The following VPS41 variants were observed in gnomAD, a reference collection of about 807,000 sequenced individuals.
VPS41 encodes the protein vacuolar protein sorting-associated protein 41 homolog.
Under a neutral mutation model 130.9 loss-of-function variants are expected in VPS41, and 85 were observed. That is an observed-to-expected ratio of 0.65 (90% confidence interval 0.55 to 0.78). The LOEUF is 0.78. Ranked by LOEUF, VPS41 falls within the 30% of genes least tolerant of loss-of-function variation. The pLI, the probability that VPS41 is intolerant of heterozygous loss-of-function variation, is 0.00. For missense variants in VPS41, 874 were observed against 1,018.7 expected (o/e 0.86, Z 1.93); for synonymous variants, 335 against 332.9 (o/e 1.01, Z -0.07).
chr7:38,725,637 C>A lies in VPS41; in HGVS notation c.*609G>T, dbSNP rs960837094. ...ATACTCTTTGACAGTCGTCACAGCA[C>A]ACAGAACATGTGATTAGTAAACATA... On this transcript the variant is annotated 3_prime_UTR_variant, in exon 29 of 29. Coordinates refer to ENST00000310301, the MANE Select transcript of VPS41 (RefSeq NM_014396.4). 1.1e-4 allele frequency: 16 copies of A among 152,334 alleles called. No individual in the cohort carries two copies. Among genetic ancestry groups the A allele is most frequent in the African/African-American group, 3.4e-4 (14 of 41,462 alleles). The allele number at this position is 152,334 out of a possible 1,614,324, so 9.4% of individuals were successfully genotyped here.
intron 3 of VPS41, among the ~76,000 whole-genome samples, chr7:38,866,738 TG>T (rs1786236855): frequency 2.0e-5 from 3 of 152,054 alleles, no homozygotes; most frequent in Non-Finnish European, 4.4e-5. Context: ...AGAAGAAATG[TG>T]GATAATGGAC....
chr7:38,786,810 A>T (rs1784446531), intron 10 of VPS41, among the ~76,000 whole-genome samples: 1 of 152,166 alleles, frequency 6.6e-6, no homozygotes, highest in Non-Finnish European at 1.5e-5. Context: ...AGATGAAACC[A>T]CATCACTCCT....
At chr7:38,829,751 C>T (rs974512282) in intron 5 of VPS41, among the ~76,000 whole-genome samples, 1 of 152,174 alleles carries the variant, frequency 6.6e-6, no homozygotes, top group Admixed American at 6.5e-5. Flanking sequence ...ATTGATTTTA[C>T]ATTTATTTAA....
chr7:38,823,110 G>T (rs1364049593), intron 5 of VPS41, among the ~76,000 whole-genome samples: 1 of 152,172 alleles, frequency 6.6e-6, no homozygotes, highest in Non-Finnish European at 1.5e-5. Flanking sequence ...AACCTCCAAG[G>T]TGATGGTATT....
rs917667174 is a variant in VPS41, at chr7:38,799,727, G to C, written c.451-2863C>G. On this transcript the variant is annotated intron_variant, in intron 7 of 28. Coordinates refer to ENST00000310301, the MANE Select transcript of VPS41 (RefSeq NM_014396.4). ...GCTAAAAATTCATTTTAAAAAATGA[G>C]AGAATAACAGGAATTTTTAAAAAAT... 1.3e-5 allele frequency among the ~76,000 whole-genome samples: 2 copies of C among 152,088 alleles called. 1 individual carries two copies. The highest frequency in any genetic ancestry group is 3.8e-4 in the East Asian group (2 of 5,202).
intron 3 of VPS41, among the ~76,000 whole-genome samples, chr7:38,866,671 A>C (rs1786235728): frequency 6.6e-6 from 1 of 152,236 alleles, no homozygotes; most frequent in South Asian, 2.1e-4. Flanking sequence ...AGTGAAGGTC[A>C]GTGTGCAGGT....
Position 38,723,220 on chromosome 7 carries a change from C to G in VPS41, c.*3026G>C, listed in dbSNP as rs1234765765. Reference sequence around the variant, plus strand: ...GAAGAAAATCCATGTATAAGTGGATCCTTGCAGTTCCAACCTGTGTTGTTC... The same window carrying G: ...GAAGAAAATCCATGTATAAGTGGATGCTTGCAGTTCCAACCTGTGTTGTTC... On this transcript the variant is annotated 3_prime_UTR_variant, in exon 29 of 29. Coordinates refer to ENST00000310301, the MANE Select transcript of VPS41 (RefSeq NM_014396.4). 5 of 152,244 alleles carry G rather than the reference C, an allele frequency of 3.3e-5. No homozygotes were observed. The East Asian group carries it at 9.7e-4, about 29-fold the overall frequency. The allele number at this position is 152,244 out of a possible 1,614,324, so 9.4% of individuals were successfully genotyped here.
intron 12 of VPS41, among the ~76,000 whole-genome samples, chr7:38,773,433 C>G (rs58040960): frequency 0.049 from 7,473 of 152,212 alleles, 624 homozygotes; most frequent in African/African-American, 0.17. Context: ...AATATTTCTT[C>G]ATTTCCTTTG....
Position 38,794,235 on chromosome 7 carries a change from G to A in VPS41, c.717+1230C>T, listed in dbSNP as rs192149342. ...TGAGTAACCACACACGTGGGACAGG[G>A]AGCCCAGGGAATCCCTTTTTCCATC... is the stretch of plus-strand genomic sequence containing the variant. On this transcript the variant is annotated intron_variant, in intron 9 of 28. Transcript: ENST00000310301. Among the ~76,000 whole-genome samples, 36 of 152,244 alleles carry A rather than the reference G, an allele frequency of 2.4e-4. 1 individual carries two copies. Among genetic ancestry groups the A allele is most frequent in the African/African-American group, 8.4e-4 (35 of 41,548 alleles).
chr7:38,858,083 GA>G (rs1786024436), intron 4 of VPS41, among the ~76,000 whole-genome samples: 1 of 152,196 alleles, frequency 6.6e-6, no homozygotes, highest in African/African-American at 2.4e-5. Context: ...GGCACCCTTA[GA>G]GGTAATATAC....
intron 1 of VPS41, among the ~76,000 whole-genome samples, chr7:38,901,544 T>C (rs1407275160): frequency 6.6e-6 from 1 of 152,004 alleles, no homozygotes. Flanking sequence ...AACAACCAGC[T>C]CTCTTGGGAA....
rs1784503702 is a variant in VPS41 at position 38,789,797 on chromosome 7, A to C, written c.784+4T>G. Reference sequence around the variant, plus strand: ...TCCACAGAAGGCAAGTGTTGGAGCCATACCTATTTCAACATATCGACTTGG... The same window carrying C: ...TCCACAGAAGGCAAGTGTTGGAGCCCTACCTATTTCAACATATCGACTTGG... On this transcript the variant is annotated splice_donor_region_variant and intron_variant, in intron 10 of 28. Transcript: ENST00000310301. The C allele has an allele frequency of 1.2e-6, 2 of 1,613,480 alleles. No individual in the cohort carries two copies. Among genetic ancestry groups the C allele is most frequent in the Non-Finnish European group, 1.7e-6 (2 of 1,179,606 alleles).
chr7:38,781,523 A>G (rs983099344), intron 10 of VPS41, among the ~76,000 whole-genome samples: 4 of 152,128 alleles, frequency 2.6e-5, no homozygotes, highest in Non-Finnish European at 5.9e-5. Flanking sequence ...ATTTTTCTTG[A>G]CATTGTCTAT....
chr7:38,737,366 G>A (rs960108493), intron 25 of VPS41, among the ~76,000 whole-genome samples: 5 of 151,876 alleles, frequency 3.3e-5, no homozygotes, highest in Non-Finnish European at 5.9e-5. Flanking sequence ...GCAAGACTCC[G>A]TCTCAAAAAA....
intron 4 of VPS41, among the ~76,000 whole-genome samples, chr7:38,851,914 ATAAAT>A (rs924910408): frequency 2.6e-5 from 4 of 152,342 alleles, no homozygotes; most frequent in African/African-American, 4.8e-5. Context: ...TTTCCTTGCT[ATAAAT>A]TAAACTTAAA....
intron 4 of VPS41, among the ~76,000 whole-genome samples, chr7:38,839,818 C>G (rs1447693556): frequency 6.6e-6 from 1 of 152,202 alleles, no homozygotes; most frequent in African/African-American, 2.4e-5. Context: ...TCCTCTCCAG[C>G]ACTAAACCCT....
rs142170927 is a variant in VPS41, at chr7:38,898,076, G to A, written c.60+15C>T. The stretch of plus-strand genomic sequence containing the variant: ...GTGAGCTACAAATCCGAGGGCTCCT[G>A]AGTCACCACCTTACCTCAGACTCAT... On this transcript the variant is annotated intron_variant, in intron 2 of 28. Transcript: ENST00000310301. 6,298 of 1,612,870 alleles carry A rather than the reference G, an allele frequency of 3.9e-3. 18 individuals carry two copies. Among genetic ancestry groups the A allele is most frequent in the Middle Eastern group, 9.4e-3 (57 of 6,058 alleles).
At chr7:38,815,726 AACGTGAAAAGACTAG>A (rs1436127943) in intron 7 of VPS41, among the ~76,000 whole-genome samples, 1 of 152,156 alleles carries the variant, frequency 6.6e-6, no homozygotes, top group Non-Finnish European at 1.5e-5. Flanking sequence ...CAGGCAGAAG[AACGTGAAAAGACTAG>A]ACTGGCTTAG....
chr7:38,736,335 A>G (rs1795765697), intron 25 of VPS41, among the ~76,000 whole-genome samples: 1 of 152,246 alleles, frequency 6.6e-6, no homozygotes, highest in Non-Finnish European at 1.5e-5. Flanking sequence ...GCCTGAAACT[A>G]TGTAACGTAT....
Sources: allele counts gnomAD v4.1 joint callset (sites outside exome capture counted in the v4.1 genomes callset), GRCh38; gene constraint gnomAD v4.1.1; transcripts MANE v1.5; gene names NCBI Gene and HGNC (gene_info 2026-07-23, HGNC 2026-07-21).